Variants in DOK7 observed in about 807,000 individuals in gnomAD.
DOK7 encodes protein Dok-7.
In DOK7, 32 loss-of-function variants were observed where a neutral mutation model predicts 30.7. That is an observed-to-expected ratio of 1.04 (90% CI 0.79 to 1.40). The LOEUF (loss-of-function observed/expected upper bound fraction) is 1.40. DOK7 is among the 40% of genes most tolerant of loss of function. DOK7 has a pLI of 0.00. For synonymous variants in DOK7, 447 were observed against 324.1 expected (o/e 1.38, Z -4.07); for missense variants, 1,007 against 699.2 (o/e 1.44, Z -4.97).
At chr4:3,496,062 G>A (rs539690241), downstream of DOK7, among the ~76,000 whole-genome samples, 3 of 152,312 alleles carry the variant, frequency 2.0e-5, no homozygotes, top group Middle Eastern at 3.4e-3. Context: ...TCTAGCTGCC[G>A]GCTGCCGGAA....
At position 3,493,044 on chromosome 4, in the gene DOK7, C is replaced by G. The variant is rs757019137; in HGVS notation, c.1058C>G (p.Ser353Trp). 6.4e-7 allele frequency: 1 copy of G among 1,572,862 alleles called. No individual in the cohort carries two copies. The highest frequency in any genetic ancestry group is 8.6e-7 in the Non-Finnish European group (1 of 1,164,098). Residue 353 changes from serine (S) to tryptophan (W), a missense_variant, in exon 7 of 7, where the codon TCG (serine) becomes TGG (tryptophan). By Grantham distance (177) the Ser-to-Trp change is radical. Transcript: ENST00000340083. ...GSHSSYSSSLSSYAGSSLDVW... is the reference protein window; with the variant it reads ...GSHSSYSSSLWSYAGSSLDVW... ...CACTCCTCTTACTCCAGCAGCCTCTCGTCCTACGCGGGCAGCAGCCTGGAC... is the reference window on the plus strand; with the variant it reads ...CACTCCTCTTACTCCAGCAGCCTCTGGTCCTACGCGGGCAGCAGCCTGGAC...
chr4:3,492,085 G>A (rs556133822), intron 6 of DOK7, among the ~76,000 whole-genome samples: 13 of 152,234 alleles, frequency 8.5e-5, no homozygotes, highest in Non-Finnish European at 1.8e-4. Context: ...AGCCCTGGAA[G>A]GCAGAGCAGG....
chr4:3,481,326 T>G (rs12648907), intron 4 of DOK7, among the ~76,000 whole-genome samples: 2 of 151,618 alleles, frequency 1.3e-5, no homozygotes, highest in African/African-American at 4.8e-5. Context: ...GTCCAGAAGA[T>G]GGAGGGCGAG....
chr4:3,496,965 G>T, downstream of DOK7: 1 of 328,710 alleles, frequency 3.0e-6, no homozygotes. Context: ...GAGGGGGGAG[G>T]GTGGGGGGCC....
downstream of DOK7, among the ~76,000 whole-genome samples, chr4:3,497,866 G>C (rs78633374): frequency 0.19 from 28,787 of 152,136 alleles, 2,833 homozygotes; most frequent in South Asian, 0.3. Context: ...ACCAGAGGTG[G>C]TGGGGCCAGC....
At chr4:3,497,874 A>T (rs1729000291), downstream of DOK7, among the ~76,000 whole-genome samples, 3 of 152,132 alleles carry the variant, frequency 2.0e-5, no homozygotes, top group Admixed American at 2.0e-4. Flanking sequence ...TGGTGGGGCC[A>T]GCCCTGCCCC....
intron 5 of DOK7, 72 bp from the exon 6 acceptor site, chr4:3,489,605 T>G: frequency 6.5e-7 from 1 of 1,550,104 alleles, no homozygotes; most frequent in Non-Finnish European, 8.7e-7. Context: ...TGAGTCAGGC[T>G]GGGCCTGGTG....
chr4:3,498,403 A>G (rs773054799), downstream of DOK7, among the ~76,000 whole-genome samples: 94 of 152,188 alleles, frequency 6.2e-4, no homozygotes, highest in Admixed American at 1.4e-3. Context: ...GTCAGGCCTC[A>G]TGCTCCTTCC....
intron 2 of DOK7, among the ~76,000 whole-genome samples, chr4:3,473,045 G>GC (rs1428657379): frequency 6.6e-6 from 1 of 152,220 alleles, no homozygotes; most frequent in Admixed American, 6.5e-5. Context: ...CCCACGCTGG[G>GC]CCCCCAAGCC....
At position 3,492,943 on chromosome 4, in the gene DOK7, C is replaced by CA. The variant is rs774240615; in HGVS notation, c.959dup (p.Pro321AlafsTer48). The stretch of plus-strand genomic sequence containing the variant: ...TGGTGGGTGCCTCAAGGCCACCCCC[C>CA]AAGCCGCTGCGTCCGCGGCAGCTGC... On this transcript the variant is annotated frameshift_variant, in exon 7 of 7. Transcript: ENST00000340083. LOFTEE classifies it low-confidence loss of function (END_TRUNC). The CA allele has an allele frequency of 5.8e-6, 9 of 1,553,176 alleles. No homozygotes were observed. The Admixed American group carries it at 7.7e-5, about 13-fold the overall frequency.
At chr4:3,492,734 G>A (rs1473171330) in intron 6 of DOK7, 25 bp from the exon 7 acceptor site, 2 of 1,611,134 alleles carry the variant, frequency 1.2e-6, no homozygotes, top group South Asian at 1.1e-5. Context: ...CCCCACAACT[G>A]CCTTGGCTTC....
intron 4 of DOK7, chr4:3,484,936 G>A: frequency 1.0e-6 from 1 of 955,536 alleles, no homozygotes; most frequent in Non-Finnish European, 1.2e-6. Flanking sequence ...TTCCTGGGAT[G>A]TGACCCCAGC....
chr4:3,495,851 G>C (rs1728880527), downstream of DOK7, among the ~76,000 whole-genome samples: 1 of 152,160 alleles, frequency 6.6e-6, no homozygotes, highest in Non-Finnish European at 1.5e-5. Context: ...GATGAGCTCA[G>C]GGGGTGTCGG....
Position 3,493,960 on chromosome 4 carries a change from G to A in DOK7, c.*459G>A, listed in dbSNP as rs572051709. 59 of 999,546 alleles carry A rather than the reference G, an allele frequency of 5.9e-5. No homozygotes were observed. Among genetic ancestry groups the A allele is most frequent in the Non-Finnish European group, 7.0e-5 (59 of 840,346 alleles). 61.9% of individuals were successfully genotyped at this position (999,546 alleles called of 1,614,324 possible). A position where few individuals can be genotyped will look rare whatever the true frequency, so the allele number is the denominator to read the frequency against. Reference sequence around the variant, plus strand: ...ACCTGTTAAGCATCAAGCTACCACAGAGGCTCCGGCCACCTGGGCTCCACC... The same window carrying A: ...ACCTGTTAAGCATCAAGCTACCACAAAGGCTCCGGCCACCTGGGCTCCACC... On this transcript the variant is annotated 3_prime_UTR_variant, in exon 7 of 7. Transcript: ENST00000340083.
intron 6 of DOK7, among the ~76,000 whole-genome samples, chr4:3,499,969 C>T (rs903505101): frequency 2.7e-5 from 4 of 150,708 alleles, no homozygotes; most frequent in Non-Finnish European, 4.4e-5. Flanking sequence ...ATGGGGGGGT[C>T]GGCAATTCCT....
chr4:3,471,737 C>A (rs1425364102), intron 2 of DOK7, among the ~76,000 whole-genome samples: 1 of 152,244 alleles, frequency 6.6e-6, no homozygotes, highest in Non-Finnish European at 1.5e-5. Flanking sequence ...CTGCTTCCTG[C>A]CTTGGAGTTT....
intron 3 of DOK7, among the ~76,000 whole-genome samples, chr4:3,475,225 C>T (rs951847575): frequency 6.6e-6 from 1 of 152,258 alleles, no homozygotes; most frequent in Non-Finnish European, 1.5e-5. Flanking sequence ...TCCCTCCAGC[C>T]TGGCTCAGCG....
chr4:3,490,504 TGCTCATTCTTTCCTTCACCCCCCC>T (rs1320661095), intron 6 of DOK7, among the ~76,000 whole-genome samples: 22 of 113,682 alleles, frequency 1.9e-4, no homozygotes, highest in Non-Finnish European at 3.4e-4. Flanking sequence ...CTTTTCCCCC[TGCTCATTCTTTCCTTCACCCCCCC>T]GCTCATTCGT....
intron 6 of DOK7, among the ~76,000 whole-genome samples, chr4:3,499,550 G>C (rs1194526537): frequency 6.6e-6 from 1 of 152,164 alleles, no homozygotes; most frequent in Non-Finnish European, 1.5e-5. Flanking sequence ...GTCCCACCCA[G>C]CCGGGCCTGT....
Sources: gnomAD v4.1 joint callset for allele counts (sites outside exome capture counted in the v4.1 genomes callset) on GRCh38, gnomAD v4.1.1 for gene constraint, MANE v1.5 for transcripts, NCBI Gene and HGNC (gene_info 2026-07-23, HGNC 2026-07-21) for gene names.